The following TMEM132D variants were observed in gnomAD, a reference collection of about 807,000 sequenced individuals.
TMEM132D encodes mature OL transmembrane protein.
TMEM132D carries 21 observed loss-of-function variants against 62.3 expected under a neutral mutation model. The ratio of observed to expected loss-of-function variants is 0.34; its 90% CI spans 0.24 to 0.49. The LOEUF is 0.49. Ranked by LOEUF, TMEM132D falls within the 20% of genes least tolerant of loss-of-function variation. The pLI, the probability that TMEM132D is intolerant of heterozygous loss-of-function variation, is 0.99. For synonymous variants in TMEM132D, 621 were observed against 575.6 expected (o/e 1.08, Z -1.13); for missense variants, 1,346 against 1,402.8 (o/e 0.96, Z 0.65).
At chr12:129,465,810 G>A (rs1397837335) in intron 3 of TMEM132D, among the ~76,000 whole-genome samples, 2 of 152,024 alleles carry the variant, frequency 1.3e-5, no homozygotes, top group Non-Finnish European at 2.9e-5. Flanking sequence ...AGCCTCCCAC[G>A]TAGCTGGGAT....
At chr12:129,135,342 A>T (rs1435392170) in intron 5 of TMEM132D, among the ~76,000 whole-genome samples, 1 of 152,168 alleles carries the variant, frequency 6.6e-6, no homozygotes, top group East Asian at 1.9e-4. Flanking sequence ...TGATTAAGGG[A>T]TGACTCCTCT....
At chr12:129,477,042 T>C (rs1874283793) in intron 3 of TMEM132D, among the ~76,000 whole-genome samples, 1 of 152,212 alleles carries the variant, frequency 6.6e-6, no homozygotes, top group Admixed American at 6.5e-5. Flanking sequence ...GTTTACGATC[T>C]CCTGGTTTCA....
chr12:129,575,051 T>C (rs1325576317), intron 2 of TMEM132D, among the ~76,000 whole-genome samples: 1 of 151,708 alleles, frequency 6.6e-6, no homozygotes, highest in Non-Finnish European at 1.5e-5. Context: ...GCGCTACATA[T>C]GGAGTCTAAG....
chr12:129,617,900 C>A (rs1878965310), intron 2 of TMEM132D, among the ~76,000 whole-genome samples: 1 of 152,166 alleles, frequency 6.6e-6, no homozygotes, highest in Admixed American at 6.5e-5. Context: ...CAAGACACAG[C>A]AGATGGGAAT....
chr12:129,268,015 C>T (rs12425841), intron 4 of TMEM132D, among the ~76,000 whole-genome samples: 6 of 152,130 alleles, frequency 3.9e-5, no homozygotes, highest in African/African-American at 1.4e-4. Flanking sequence ...CTTCCTTACA[C>T]CTTATACAAA....
chr12:129,842,238 G>C (rs944199461), intron 1 of TMEM132D, among the ~76,000 whole-genome samples: 1 of 150,060 alleles, frequency 6.7e-6, no homozygotes, highest in Non-Finnish European at 1.5e-5. Context: ...GTGAGCCACC[G>C]CGCCCGGCCA....
chr12:129,799,588 G>C (rs1256473982), intron 1 of TMEM132D, among the ~76,000 whole-genome samples: 1 of 152,020 alleles, frequency 6.6e-6, no homozygotes, highest in African/African-American at 2.4e-5. Flanking sequence ...AGGCACAGAT[G>C]GTGTTTTGTG....
chr12:129,807,287 T>C (rs547766443), intron 1 of TMEM132D, among the ~76,000 whole-genome samples: 61 of 152,282 alleles, frequency 4.0e-4, no homozygotes, highest in African/African-American at 1.4e-3. Flanking sequence ...GCCTTGCTTC[T>C]GACCTCCAGC....
chr12:129,671,657 G>A (rs1047098478), intron 2 of TMEM132D, among the ~76,000 whole-genome samples: 1 of 152,162 alleles, frequency 6.6e-6, no homozygotes, highest in African/African-American at 2.4e-5. Flanking sequence ...ATGATGAGAG[G>A]TTGGGGTAGG....
At chr12:129,733,775 C>T (rs1593140220) in intron 1 of TMEM132D, among the ~76,000 whole-genome samples, 1 of 152,154 alleles carries the variant, frequency 6.6e-6, no homozygotes, top group Admixed American at 6.5e-5. Flanking sequence ...CTGCCCTGGA[C>T]CGGCACAGTC....
At chr12:129,191,292 G>GAC (rs56128227) in intron 5 of TMEM132D, among the ~76,000 whole-genome samples, 14,917 of 145,074 alleles carry the variant, frequency 0.1, 840 homozygotes, top group South Asian at 0.15. Context: ...AGGGAAATAG[G>GAC]ACACACACAC....
At chr12:129,586,579 G>A (rs1358133179) in intron 2 of TMEM132D, among the ~76,000 whole-genome samples, 2 of 152,142 alleles carry the variant, frequency 1.3e-5, no homozygotes, top group African/African-American at 4.8e-5. Flanking sequence ...CTCATTGAAT[G>A]CTCATGTGGC....
intron 5 of TMEM132D, among the ~76,000 whole-genome samples, chr12:129,117,568 C>T (rs1875932634): frequency 3.4e-5 from 1 of 29,138 alleles, no homozygotes. Flanking sequence ...GCATTATTAT[C>T]ATGACCTTAA....
intron 2 of TMEM132D, among the ~76,000 whole-genome samples, chr12:129,578,736 CCA>C (rs1412704390): frequency 6.6e-5 from 10 of 152,120 alleles, no homozygotes; most frequent in African/African-American, 2.2e-4. Context: ...GGTCTGAGAA[CCA>C]AGAGTGATGA....
chr12:129,637,280 T>C (rs146260440), intron 2 of TMEM132D, among the ~76,000 whole-genome samples: 14 of 152,346 alleles, frequency 9.2e-5, no homozygotes, highest in African/African-American at 3.4e-4. Context: ...AAAACAAATT[T>C]GTAAATTTGC....
At chr12:129,715,718 A>G (rs1464045904) in intron 1 of TMEM132D, among the ~76,000 whole-genome samples, 1 of 152,220 alleles carries the variant, frequency 6.6e-6, no homozygotes, top group African/African-American at 2.4e-5. Context: ...TGAGTTAAAT[A>G]ACAAAGTTCA....
chr12:129,401,923 C>T (rs1369579698), intron 3 of TMEM132D, among the ~76,000 whole-genome samples: 1 of 152,196 alleles, frequency 6.6e-6, no homozygotes, highest in Non-Finnish European at 1.5e-5. Flanking sequence ...CATGCTTCCT[C>T]TCCTCTCCAC....
In TMEM132D at chr12:129,573,153, G is replaced by A. The variant is rs374868715; in HGVS notation, c.969-41948C>T. Among the ~76,000 whole-genome samples the A allele has an allele frequency of 7.6e-4, 115 of 152,248 alleles. 3 individuals are homozygous for A. The South Asian group carries it at 0.023, about 30-fold the overall frequency. On this transcript the variant is annotated intron_variant, in intron 2 of 8. Coordinates refer to ENST00000422113, the MANE Select transcript of TMEM132D (RefSeq NM_133448.3). ...CCAGGGGCAGCCATGGAGACCCTGC[G>A]CCTACACAAAGACATCTCTCCCAGG...
chr12:129,434,151 T>C (rs1222186366), intron 3 of TMEM132D, among the ~76,000 whole-genome samples: 2 of 152,116 alleles, frequency 1.3e-5, no homozygotes, highest in Non-Finnish European at 2.9e-5. Context: ...GGAGGAAAAA[T>C]GTTCTACTTA....
Sources: allele counts gnomAD v4.1 joint callset (sites outside exome capture counted in the v4.1 genomes callset), GRCh38; gene constraint gnomAD v4.1.1; transcripts MANE v1.5; gene names NCBI Gene and HGNC (gene_info 2026-07-23, HGNC 2026-07-21).